HNRNPUL1: variants seen among roughly 807,000 people sequenced by gnomAD.
The protein encoded by HNRNPUL1 is heterogeneous nuclear ribonucleoprotein U like 1.
HNRNPUL1 carries 14 observed loss-of-function variants against 108.5 expected under a neutral mutation model. The observed-to-expected ratio is 0.13, with a 90% CI of 0.09 to 0.20. HNRNPUL1 has a LOEUF of 0.20. Among genes scored for constraint, HNRNPUL1 ranks in the 10% least tolerant of loss-of-function variants. HNRNPUL1 has a pLI of 1.00. For missense variants in HNRNPUL1, 804 were observed against 1,168.3 expected, an observed-to-expected ratio of 0.69 and a Z score of 4.55; for synonymous variants, 422 against 445.2, an observed-to-expected ratio of 0.95 and a Z score of 0.66.
chr19:41,297,590 G>T (rs565937462), intron 10 of HNRNPUL1, among the ~76,000 whole-genome samples: 1 of 152,300 alleles, frequency 6.6e-6, no homozygotes, highest in South Asian at 2.1e-4. Flanking sequence ...GAACTGACTG[G>T]CCTGCTGTGA....
chr19:41,282,821 C>T (rs1470532078), intron 7 of HNRNPUL1, among the ~76,000 whole-genome samples: 1 of 149,448 alleles, frequency 6.7e-6, no homozygotes, highest in East Asian at 2.0e-4. Context: ...TCCCAAGTAG[C>T]TGGGACTACA....
chr19:41,268,873 A>AG (rs2035029652), intron 2 of HNRNPUL1, among the ~76,000 whole-genome samples: 1 of 152,072 alleles, frequency 6.6e-6, no homozygotes, highest in African/African-American at 2.4e-5. Context: ...AAAAAAAAAA[A>AG]GATGTTAGTA....
intron 1 of HNRNPUL1, 157 bp downstream of exon 1, chr19:41,264,955 A>G: frequency 7.7e-7 from 1 of 1,297,522 alleles, no homozygotes. Flanking sequence ...CCAGGGCCCC[A>G]GCACGACCGG....
chr19:41,264,864 C>T (rs2034714249), intron 1 of HNRNPUL1, 66 bp downstream of exon 1: 12 of 1,344,064 alleles, frequency 8.9e-6, no homozygotes, highest in Non-Finnish European at 1.1e-5. Flanking sequence ...CTGTGGGACG[C>T]GGGAGTCCAG....
chr19:41,287,335 T>C (rs1362087755), intron 7 of HNRNPUL1, among the ~76,000 whole-genome samples: 1 of 152,064 alleles, frequency 6.6e-6, no homozygotes, highest in African/African-American at 2.4e-5. Flanking sequence ...GTAAAGATAT[T>C]AATGACAGTA....
intron 5 of HNRNPUL1, 143 bp downstream of exon 5, chr19:41,276,441 A>G (rs2035563410): frequency 1.3e-6 from 1 of 782,224 alleles, no homozygotes; most frequent in South Asian, 2.1e-5. Flanking sequence ...ACTGTGATGA[A>G]CTCAAGACAA....
At chr19:41,284,215 A>C (rs1394189216) in intron 7 of HNRNPUL1, among the ~76,000 whole-genome samples, 1 of 152,202 alleles carries the variant, frequency 6.6e-6, no homozygotes, top group Non-Finnish European at 1.5e-5. Context: ...GAATTGGTTG[A>C]TATGCACTAT....
At chr19:41,264,362 G>T, upstream of HNRNPUL1, 1 of 611,586 alleles carries the variant, frequency 1.6e-6, no homozygotes, top group Admixed American at 4.1e-5. Context: ...GGGAGGCGGT[G>T]GCGGCGGCCA....
chr19:41,265,743 T>G (rs1599756674), intron 1 of HNRNPUL1, among the ~76,000 whole-genome samples: 3 of 142,052 alleles, frequency 2.1e-5, no homozygotes, highest in Non-Finnish European at 4.6e-5. Context: ...TAGCTGGGGG[T>G]GGGATGGGGG....
chr19:41,295,471 A>G (rs2122862439), intron 10 of HNRNPUL1, among the ~76,000 whole-genome samples: 1 of 152,368 alleles, frequency 6.6e-6, no homozygotes, highest in African/African-American at 2.4e-5. Context: ...GTCTCAGAGT[A>G]ATGAGTTCCA....
Position 41,307,669 on chromosome 19 carries a change from T to G in HNRNPUL1, c.*1104T>G, listed in dbSNP as rs1441547620. On this transcript the variant is annotated 3_prime_UTR_variant, in exon 15 of 15. Coordinates refer to ENST00000392006, the MANE Select transcript of HNRNPUL1 (RefSeq NM_007040.6). Reference sequence around the variant, plus strand: ...TTTGAATAAATGACATGGCACCTCCTAGCAGGAAGGAAGCAGGGTTGAAAC... The same window carrying G: ...TTTGAATAAATGACATGGCACCTCCGAGCAGGAAGGAAGCAGGGTTGAAAC... The G allele has an allele frequency of 1.3e-5, 2 of 152,484 alleles. No homozygotes were observed. Among genetic ancestry groups the G allele is most frequent in the Non-Finnish European group, 2.9e-5 (2 of 68,006 alleles). 9.4% of individuals were successfully genotyped at this position (152,484 alleles called of 1,614,324 possible).
intron 14 of HNRNPUL1, 79 bp from the exon 15 acceptor site, chr19:41,306,370 A>T (rs1463081422): frequency 1.1e-6 from 1 of 883,450 alleles, no homozygotes; most frequent in African/African-American, 1.7e-5. Context: ...TCTCTGCCCT[A>T]GGTGAGGGTG....
At chr19:41,269,037 A>G (rs1470853526) in intron 2 of HNRNPUL1, among the ~76,000 whole-genome samples, 1 of 152,168 alleles carries the variant, frequency 6.6e-6, no homozygotes, top group Non-Finnish European at 1.5e-5. Flanking sequence ...GGGGATTCTC[A>G]GAAAAGGGTT....
At chr19:41,282,317 G>C (rs368980177) in intron 7 of HNRNPUL1, among the ~76,000 whole-genome samples, 1 of 151,980 alleles carries the variant, frequency 6.6e-6, no homozygotes, top group African/African-American at 2.4e-5. Context: ...TGAGTAGCTG[G>C]GATTGCAGGC....
intron 2 of HNRNPUL1, among the ~76,000 whole-genome samples, chr19:41,271,136 T>A (rs1455148998): frequency 6.6e-6 from 1 of 152,212 alleles, no homozygotes; most frequent in Non-Finnish European, 1.5e-5. Flanking sequence ...TTAGTGTATC[T>A]GGTTGATTTT....
intron 14 of HNRNPUL1, 89 bp downstream of exon 14, chr19:41,305,956 C>T: frequency 1.1e-6 from 1 of 912,742 alleles, no homozygotes; most frequent in Non-Finnish European, 1.7e-6. Flanking sequence ...CCCTGCTTAT[C>T]CCTAAAAAGA....
Position 41,294,386 on chromosome 19 carries a change from A to C in HNRNPUL1, c.1315A>C (p.Ile439Leu), listed in dbSNP as rs758375580. ...TGCTGCTGGCAAGACCACATGGGCC[A>C]TCAAACATGCAGCCTCCAACCCTTC... ...LPAAGKTTWA[I>L]KHAASNPSKK... The change falls in exon 9 of 15, where the codon ATC (isoleucine) becomes CTC (leucine). Residue 439 changes from isoleucine to leucine, a missense_variant. Physicochemically the swap from Ile to Leu is conservative, Grantham distance 5 (BLOSUM62 2). Around this residue, in one of 4 missense-constraint regions of HNRNPUL1, gnomAD observed 80 missense variants for 221.8 expected, o/e 0.36. Coordinates refer to ENST00000392006, the MANE Select transcript of HNRNPUL1 (RefSeq NM_007040.6). This position sits in a 1 kb window ranked among gnomAD's most constrained non-coding sequence, Gnocchi z 4.3. The C allele has an allele frequency of 6.2e-7, 1 of 1,614,130 alleles. No individual in the cohort carries two copies. The highest frequency in any genetic ancestry group is 8.5e-7 in the Non-Finnish European group (1 of 1,180,020).
Position 41,292,108 on chromosome 19 carries a change from C to T in HNRNPUL1, c.1000-137C>T. ...ATGTTCACTGATGCTGCCCAGCTTA[C>T]CTGTATGTTGGGGAAGGATGCACTT... On this transcript the variant is annotated intron_variant, in intron 7 of 14. Transcript: ENST00000392006. The surrounding 1 kb of genome is among the most constrained non-coding windows in gnomAD (Gnocchi z 4.1). The T allele has an allele frequency of 1.1e-6, 1 of 883,286 alleles. No homozygotes were observed. Among genetic ancestry groups the T allele is most frequent in the South Asian group, 1.5e-5 (1 of 64,598 alleles). 54.7% of individuals were successfully genotyped at this position (883,286 alleles called of 1,614,324 possible).
At chr19:41,263,750 C>T (rs967995552), upstream of HNRNPUL1, among the ~76,000 whole-genome samples, 3 of 152,192 alleles carry the variant, frequency 2.0e-5, no homozygotes, top group African/African-American at 7.2e-5. Context: ...GTGAACTTTT[C>T]CTAAAATGAG....
Sources: allele counts gnomAD v4.1 joint callset (sites outside exome capture counted in the v4.1 genomes callset), GRCh38; gene constraint gnomAD v4.1.1; regional missense constraint gnomAD v4.1.1; non-coding constraint Gnocchi (gnomAD v3.1); transcripts MANE v1.5; gene names NCBI Gene and HGNC (gene_info 2026-07-23, HGNC 2026-07-21).